CELF2: variants seen among roughly 807,000 people sequenced by gnomAD.
CELF2 encodes the protein CUG triplet repeat RNA-binding protein 2.
In CELF2, 8 loss-of-function variants were observed where a neutral mutation model predicts 62.6. That is an observed-to-expected ratio of 0.13 (90% confidence interval 0.07 to 0.23). CELF2 has a LOEUF of 0.23. CELF2 is among the 10% of genes least tolerant of loss of function. The probability of loss-of-function intolerance (pLI) is 1.00; values close to 1 mark genes in which losing one functional copy is unlikely to be tolerated. For missense variants in CELF2, 333 were observed against 671.0 expected (o/e 0.50, Z 5.56); for synonymous variants, 258 against 250.0 (o/e 1.03, Z -0.30).
At chr10:10,610,086 A>G in the CELF2 span, among the ~76,000 whole-genome samples, 2 of 152,254 alleles carry the variant, frequency 1.3e-5, no homozygotes, top group South Asian at 4.1e-4. Flanking sequence ...GCTATGCACC[A>G]TATATCAATT....
chr10:10,946,209 A>G (rs1016750655), intron 2 of CELF2: 1 of 152,578 alleles, frequency 6.6e-6, no homozygotes, highest in African/African-American at 2.4e-5. Flanking sequence ...TGGGAAGATA[A>G]TATAGGCTGG....
At chr10:11,323,082 A>C (rs977867113) in intron 11 of CELF2, among the ~76,000 whole-genome samples, 1 of 152,020 alleles carries the variant, frequency 6.6e-6, no homozygotes, top group Non-Finnish European at 1.5e-5. Context: ...ACATGTTTCG[A>C]AACAACATGT....
chr10:11,001,733 G>A (rs965381503), upstream of CELF2, among the ~76,000 whole-genome samples: 1 of 151,876 alleles, frequency 6.6e-6, no homozygotes, highest in African/African-American at 2.4e-5. Flanking sequence ...GATATAGAGG[G>A]CATCCGAACA....
At chr10:10,525,923 A>G in the CELF2 span, among the ~76,000 whole-genome samples, 1 of 152,186 alleles carries the variant, frequency 6.6e-6, no homozygotes, top group African/African-American at 2.4e-5. Flanking sequence ...TAATGGCTGT[A>G]CTAGTTTACA....
intron 1 of CELF2, among the ~76,000 whole-genome samples, chr10:10,853,667 A>T (rs1317463082): frequency 5.3e-5 from 8 of 150,782 alleles, no homozygotes; most frequent in African/African-American, 1.7e-4. Context: ...TTATTGCGAG[A>T]CTAGGTCACG....
At chr10:11,034,507 G>A (rs1020762127) in intron 1 of CELF2, among the ~76,000 whole-genome samples, 8 of 151,950 alleles carry the variant, frequency 5.3e-5, no homozygotes, top group Admixed American at 5.2e-4. Context: ...AATATTTCAT[G>A]TGTTCCTTAT....
rs995135600 is a variant in CELF2 at position 10,983,137 on chromosome 10, A to T, written c.89+63138A>T. ...AAATAATTTAAGCTCTTTTTTCATT[A>T]TTTTTTTTTCAATTTTTCAGAAGGC... On this transcript the variant is annotated intron_variant, in intron 2 of 13. Coordinates refer to the CELF2 transcript ENST00000636488. This position sits in a 1 kb window ranked among gnomAD's most constrained non-coding sequence, Gnocchi z 5.2. Among the ~76,000 whole-genome samples the T allele has an allele frequency of 4.0e-5, 6 of 150,304 alleles. No individual in the cohort carries two copies. The highest frequency in any genetic ancestry group is 5.9e-5 in the Non-Finnish European group (4 of 67,490).
At chr10:10,542,618 A>G in the CELF2 span, among the ~76,000 whole-genome samples, 1 of 152,200 alleles carries the variant, frequency 6.6e-6, no homozygotes, top group African/African-American at 2.4e-5. Context: ...TAGAGGGGGT[A>G]ATTCCTGGAT....
the CELF2 span, among the ~76,000 whole-genome samples, chr10:10,632,903 T>G: frequency 6.6e-6 from 1 of 152,230 alleles, no homozygotes; most frequent in Non-Finnish European, 1.5e-5. Context: ...AGATGCCAAC[T>G]GTTCTGAATC....
At chr10:10,621,678 A>G in the CELF2 span, among the ~76,000 whole-genome samples, 1 of 152,202 alleles carries the variant, frequency 6.6e-6, no homozygotes, top group South Asian at 2.1e-4. Flanking sequence ...GAGTTGGGAA[A>G]ACGAAGGAGC....
chr10:11,192,174 C>A (rs911473539), intron 2 of CELF2, among the ~76,000 whole-genome samples: 1 of 152,192 alleles, frequency 6.6e-6, no homozygotes, highest in African/African-American at 2.4e-5. Flanking sequence ...TGCGTTCAGT[C>A]ATGGTTGAGA....
rs2071463419 is a variant in CELF2, at chr10:11,075,187, T to G, written c.74+57024T>G. On this transcript the variant is annotated intron_variant, in intron 1 of 12. Transcript: ENST00000633077. The surrounding 1 kb of genome is among the most constrained non-coding windows in gnomAD (Gnocchi z 5.4). ...TCCTCTTCCTTGGCTGGCTGAGTGA[T>G]AAAGGCATGGAGTTGCCCCACTCTG... The G allele has an allele frequency of 6.6e-6, 1 of 152,368 alleles. No individual in the cohort carries two copies. The highest frequency in any genetic ancestry group is 2.4e-5 in the African/African-American group (1 of 41,454). The allele number at this position is 152,368 out of a possible 1,614,324, so 9.4% of individuals were successfully genotyped here.
In CELF2 at chr10:11,149,827, C is replaced by T. The variant is rs116468748; in HGVS notation, c.75-15659C>T. Among the ~76,000 whole-genome samples the T allele has an allele frequency of 7.9e-3, 1,199 of 152,284 alleles. 14 individuals carry two copies. Among genetic ancestry groups the T allele is most frequent in the African/African-American group, 0.027 (1,131 of 41,558 alleles). On this transcript the variant is annotated intron_variant, in intron 1 of 12. Coordinates refer to ENST00000633077, the MANE Select transcript of CELF2 (RefSeq NM_001326342.2). Reference sequence around the variant, plus strand: ...GCCCATAATTAGGAAGTTACCTCATCATCTTGCATCGACCCCGATGGAAAT... The same window carrying T: ...GCCCATAATTAGGAAGTTACCTCATTATCTTGCATCGACCCCGATGGAAAT...
chr10:10,697,129 A>G, the CELF2 span, among the ~76,000 whole-genome samples: 1,287 of 152,240 alleles, frequency 8.5e-3, 7 homozygotes, highest in African/African-American at 0.011. Flanking sequence ...AAAAAAAAAA[A>G]AGTGGTTGTC....
chr10:11,085,564 T>TTATTGG (rs952601542), intron 1 of CELF2, among the ~76,000 whole-genome samples: 2 of 152,142 alleles, frequency 1.3e-5, no homozygotes, highest in African/African-American at 4.8e-5. Flanking sequence ...AGTGACCTTG[T>TTATTGG]TATTGGTACT....
chr10:10,740,311 T>C, the CELF2 span, among the ~76,000 whole-genome samples: 1,044 of 152,254 alleles, frequency 6.9e-3, 99 homozygotes, highest in East Asian at 0.17. Flanking sequence ...AGGTATAAGA[T>C]AAAGGTCCAG....
At position 11,319,048 on chromosome 10, in the gene CELF2, T is replaced by C. The variant is rs1467790707; in HGVS notation, c.1097-2141T>C. ...CTGGCAGCAAGGCCCCACATGGCTC[T>C]GCAGGCTGCGAGGCACACCCAGAAC... On this transcript the variant is annotated intron_variant, in intron 10 of 12. Coordinates refer to ENST00000633077, the MANE Select transcript of CELF2 (RefSeq NM_001326342.2). This position sits in a 1 kb window ranked among gnomAD's most constrained non-coding sequence, Gnocchi z 4.4. The C allele has an allele frequency of 2.1e-6, 1 of 470,774 alleles. No individual in the cohort carries two copies. Among genetic ancestry groups the C allele is most frequent in the African/African-American group, 2.0e-5 (1 of 50,076 alleles). The allele number at this position is 470,774 out of a possible 1,614,324, so 29.2% of individuals were successfully genotyped here. A position where few individuals can be genotyped will look rare whatever the true frequency, so the allele number is the denominator to read the frequency against.
chr10:11,321,832 G>A lies in CELF2; in HGVS notation c.1294+446G>A, dbSNP rs2095456428. 6.6e-6 allele frequency among the ~76,000 whole-genome samples: 1 copy of A among 152,148 alleles called. No homozygotes were observed. The highest frequency in any genetic ancestry group is 6.5e-5 in the Admixed American group (1 of 15,276). On this transcript the variant is annotated intron_variant, in intron 11 of 12. Transcript: ENST00000633077. This position sits in a 1 kb window ranked among gnomAD's most constrained non-coding sequence, Gnocchi z 6.2. Reference sequence around the variant, plus strand: ...ATTTATATACCACTCTGGCTTTGTTGATAAATAAATGGTTTTAATTATTTC... The same window carrying A: ...ATTTATATACCACTCTGGCTTTGTTAATAAATAAATGGTTTTAATTATTTC...
the CELF2 span, among the ~76,000 whole-genome samples, chr10:10,715,025 G>A: frequency 2.0e-5 from 3 of 152,090 alleles, no homozygotes; most frequent in African/African-American, 7.2e-5. Context: ...ATTGGACCTA[G>A]GTGACAGAAA....
Sources: allele counts gnomAD v4.1 joint callset (sites outside exome capture counted in the v4.1 genomes callset), GRCh38; gene constraint gnomAD v4.1.1; non-coding constraint Gnocchi (gnomAD v3.1); transcripts MANE v1.5; gene names NCBI Gene and HGNC (gene_info 2026-07-23, HGNC 2026-07-21).